ANGPT1: variants seen among roughly 807,000 people sequenced by gnomAD.
ANGPT1 encodes the protein angiopoietin 1.
Under a neutral mutation model 62.2 loss-of-function variants are expected in ANGPT1, and 17 were observed. That is an observed-to-expected ratio of 0.27 (90% CI 0.19 to 0.41). The LOEUF (loss-of-function observed/expected upper bound fraction) is 0.41, where lower values mean the gene tolerates loss of function less well. Among genes scored for constraint, ANGPT1 ranks in the 10% least tolerant of loss-of-function variants. ANGPT1 has a pLI of 1.00. For missense variants in ANGPT1, 478 were observed against 594.9 expected, an observed-to-expected ratio of 0.80 and a Z score of 2.04; for synonymous variants, 199 against 198.9, an observed-to-expected ratio of 1.00 and a Z score of 0.00.
rs140317572 is a variant in ANGPT1 at position 107,331,843 on chromosome 8, A to G, written c.575+4307T>C. 6.6e-4 allele frequency among the ~76,000 whole-genome samples: 100 copies of G among 152,260 alleles called. No individual in the cohort carries two copies. In the East Asian group the frequency reaches 0.017, roughly 26 times the overall value. ...AAGACTTCCTTAATCTTCACTCTGC[A>G]TACTCAGCACAATCAAGAAAGCCCG... On this transcript the variant is annotated intron_variant, in intron 3 of 8. Transcript: ENST00000517746.
chr8:107,318,397 C>T (rs1352779955), intron 4 of ANGPT1, among the ~76,000 whole-genome samples: 1 of 152,150 alleles, frequency 6.6e-6, no homozygotes, highest in Non-Finnish European at 1.5e-5. Flanking sequence ...AACAAAAGCA[C>T]TCTCTGAATG....
chr8:107,275,729 C>A (rs1446019142), intron 7 of ANGPT1, among the ~76,000 whole-genome samples: 1 of 152,130 alleles, frequency 6.6e-6, no homozygotes. Flanking sequence ...TTTCATGGAG[C>A]CATCATCTTT....
chr8:107,453,924 A>T (rs189234330), intron 1 of ANGPT1, among the ~76,000 whole-genome samples: 1 of 152,170 alleles, frequency 6.6e-6, no homozygotes, highest in Admixed American at 6.6e-5. Flanking sequence ...ATAAATTCAC[A>T]CATCTGTGAA....
chr8:107,457,461 A>T (rs1375931132), intron 1 of ANGPT1, among the ~76,000 whole-genome samples: 4 of 152,146 alleles, frequency 2.6e-5, no homozygotes, highest in South Asian at 2.1e-4. Flanking sequence ...AAAGATTATC[A>T]GTTAACTTAG....
Position 107,264,128 on chromosome 8 carries a change from T to G in ANGPT1, c.1336+93A>C, listed in dbSNP as rs982173720. ...TCTAGGGACTTGCTCTTAAGTTTCC[T>G]GACCATAAGATCATACTCCTTTCTC... On this transcript the variant is annotated intron_variant, in intron 8 of 8. Coordinates refer to ENST00000517746, the MANE Select transcript of ANGPT1 (RefSeq NM_001146.5). 4.5e-5 allele frequency: 64 copies of G among 1,435,156 alleles called. No homozygotes were observed. The African/African-American group carries it at 8.6e-4, about 19-fold the overall frequency. 88.9% of individuals were successfully genotyped at this position (1,435,156 alleles called of 1,614,324 possible).
chr8:107,382,903 C>T (rs753120932), intron 1 of ANGPT1, among the ~76,000 whole-genome samples: 17 of 152,068 alleles, frequency 1.1e-4, no homozygotes, highest in Admixed American at 2.6e-4. Context: ...ATCTGAACAA[C>T]GATAAATGAA....
intron 3 of ANGPT1, among the ~76,000 whole-genome samples, chr8:107,330,683 C>T (rs1217943187): frequency 6.6e-6 from 1 of 152,042 alleles, no homozygotes; most frequent in Non-Finnish European, 1.5e-5. Flanking sequence ...TTCATGGCAG[C>T]TTGACCTAAG....
At chr8:107,436,551 A>G (rs1811340637) in intron 1 of ANGPT1, among the ~76,000 whole-genome samples, 1 of 152,064 alleles carries the variant, frequency 6.6e-6, no homozygotes, top group African/African-American at 2.4e-5. Context: ...CTTTGCTACC[A>G]ATTTCAGCAA....
At chr8:107,314,354 T>A (rs1814961348) in intron 4 of ANGPT1, among the ~76,000 whole-genome samples, 1 of 152,172 alleles carries the variant, frequency 6.6e-6, no homozygotes, top group South Asian at 2.1e-4. Context: ...CAAAAGAGAA[T>A]TAACCACAAA....
intron 7 of ANGPT1, among the ~76,000 whole-genome samples, chr8:107,268,119 G>A (rs970276132): frequency 6.6e-6 from 1 of 151,974 alleles, no homozygotes; most frequent in African/African-American, 2.4e-5. Context: ...ACTCATCTTT[G>A]AATCATCAGA....
intron 1 of ANGPT1, among the ~76,000 whole-genome samples, chr8:107,388,181 A>G (rs545302633): frequency 6.6e-6 from 1 of 152,154 alleles, no homozygotes; most frequent in Non-Finnish European, 1.5e-5. Flanking sequence ...AGCTTTGGAT[A>G]AAGTTCCTGA....
chr8:107,476,838 T>G (rs1812544859), intron 1 of ANGPT1, among the ~76,000 whole-genome samples: 1 of 152,212 alleles, frequency 6.6e-6, no homozygotes, highest in Non-Finnish European at 1.5e-5. Flanking sequence ...TTATCTTTGA[T>G]GAAGACTTCT....
intron 1 of ANGPT1, among the ~76,000 whole-genome samples, chr8:107,488,121 G>A (rs1485393529): frequency 6.6e-6 from 1 of 152,114 alleles, no homozygotes; most frequent in African/African-American, 2.4e-5. Flanking sequence ...TGTGAAATAT[G>A]GGTGGGCCTC....
rs56288129 is a variant in ANGPT1 at position 107,434,440 on chromosome 8, G to A, written c.297+62822C>T. On this transcript the variant is annotated intron_variant, in intron 1 of 8. Transcript: ENST00000517746. ...CTTGGGGTTGGGAGGCAGAACTGTCGGGGATAATGCCAGAGTGATGGGGTC... is the reference window on the plus strand; with the variant it reads ...CTTGGGGTTGGGAGGCAGAACTGTCAGGGATAATGCCAGAGTGATGGGGTC... Among the ~76,000 whole-genome samples, 7 of 152,206 alleles carry A rather than the reference G, an allele frequency of 4.6e-5. No individual in the cohort carries two copies. The East Asian group carries it at 7.7e-4, about 17-fold the overall frequency.
At chr8:107,455,550 T>C (rs549125032) in intron 1 of ANGPT1, among the ~76,000 whole-genome samples, 1 of 152,172 alleles carries the variant, frequency 6.6e-6, no homozygotes, top group East Asian at 1.9e-4. Flanking sequence ...GAAAGTCAAG[T>C]AAATACAACA....
At chr8:107,302,637 T>C (rs1814620411) in intron 5 of ANGPT1, among the ~76,000 whole-genome samples, 1 of 151,908 alleles carries the variant, frequency 6.6e-6, no homozygotes, top group Non-Finnish European at 1.5e-5. Flanking sequence ...GAAGACAGTA[T>C]ACAAAAGAGA....
chr8:107,292,557 C>T (rs2130174085), intron 6 of ANGPT1, among the ~76,000 whole-genome samples: 1 of 152,296 alleles, frequency 6.6e-6, no homozygotes, highest in Admixed American at 6.5e-5. Flanking sequence ...ATTCTACAAT[C>T]ATCTCTGTGG....
At chr8:107,452,760 G>T (rs1296688084) in intron 1 of ANGPT1, among the ~76,000 whole-genome samples, 1 of 151,866 alleles carries the variant, frequency 6.6e-6, no homozygotes, top group African/African-American at 2.4e-5. Flanking sequence ...CATATCCAAA[G>T]TGGAGATAAT....
chr8:107,272,924 C>T (rs987345992), intron 7 of ANGPT1, among the ~76,000 whole-genome samples: 1 of 149,812 alleles, frequency 6.7e-6, no homozygotes, highest in Non-Finnish European at 1.5e-5. Flanking sequence ...AAATGAATCA[C>T]GTGACACCAA....
Sources: allele counts gnomAD v4.1 joint callset (sites outside exome capture counted in the v4.1 genomes callset), GRCh38; gene constraint gnomAD v4.1.1; transcripts MANE v1.5; gene names NCBI Gene and HGNC (gene_info 2026-07-23, HGNC 2026-07-21).